Variants in CSMD3 observed in about 807,000 individuals in gnomAD.
CSMD3 encodes the protein CUB and sushi domain-containing protein 3.
Under a neutral mutation model 435.2 loss-of-function variants are expected in CSMD3, and 177 were observed. The ratio of observed to expected loss-of-function variants is 0.41; its 90% CI spans 0.36 to 0.46. The LOEUF is 0.46. Among genes scored for constraint, CSMD3 ranks in the 20% least tolerant of loss-of-function variants. The pLI, the probability that CSMD3 is intolerant of heterozygous loss-of-function variation, is 0.34. For synonymous variants in CSMD3, 1,656 were observed against 1,520.5 expected (o/e 1.09, Z -2.07); for missense variants, 4,265 against 4,504.6 (o/e 0.95, Z 1.52).
chr8:112,958,675 A>T (rs1408483018), intron 7 of CSMD3, among the ~76,000 whole-genome samples: 1 of 152,234 alleles, frequency 6.6e-6, no homozygotes, highest in Admixed American at 6.5e-5. Context: ...AATGATTTAA[A>T]TTAAAATGCC....
intron 1 of CSMD3, among the ~76,000 whole-genome samples, chr8:113,353,034 A>G (rs1225851458): frequency 1.3e-5 from 2 of 152,174 alleles, no homozygotes; most frequent in African/African-American, 4.8e-5. Flanking sequence ...ACAAGGAAAT[A>G]GGCTTTTGAA....
chr8:112,401,998 T>C (rs1434253800), intron 35 of CSMD3, among the ~76,000 whole-genome samples: 1 of 152,220 alleles, frequency 6.6e-6, no homozygotes, highest in Non-Finnish European at 1.5e-5. Flanking sequence ...CTGCATCGAA[T>C]ACTTTTAGAA....
chr8:113,017,965 A>G (rs905859461), intron 6 of CSMD3, among the ~76,000 whole-genome samples: 1 of 152,060 alleles, frequency 6.6e-6, no homozygotes, highest in Non-Finnish European at 1.5e-5. Flanking sequence ...AACACATTGC[A>G]TAGTTTTAAA....
chr8:112,482,698 T>C (rs11995388), intron 31 of CSMD3, among the ~76,000 whole-genome samples: 2,638 of 152,330 alleles, frequency 0.017, 79 homozygotes, highest in African/African-American at 0.06. Flanking sequence ...AACCTTTTAC[T>C]ATTTAAAGAA....
At chr8:112,533,959 A>C (rs773661178) in intron 27 of CSMD3, among the ~76,000 whole-genome samples, 8 of 152,216 alleles carry the variant, frequency 5.3e-5, no homozygotes, top group South Asian at 2.1e-4. Flanking sequence ...GACAAAAGAA[A>C]CATTAGAAAT....
intron 1 of CSMD3, among the ~76,000 whole-genome samples, chr8:113,398,222 G>C (rs2094493245): frequency 6.6e-6 from 1 of 151,988 alleles, no homozygotes. Flanking sequence ...AATTTATTTT[G>C]CTTAAGGTAT....
At chr8:112,949,333 C>A (rs1046474064) in intron 8 of CSMD3, among the ~76,000 whole-genome samples, 1 of 151,960 alleles carries the variant, frequency 6.6e-6, no homozygotes, top group African/African-American at 2.4e-5. Flanking sequence ...TGTATTACAG[C>A]TCACTAATTC....
chr8:112,342,198 T>C (rs1478183931), intron 41 of CSMD3, among the ~76,000 whole-genome samples: 2 of 152,106 alleles, frequency 1.3e-5, no homozygotes, highest in Non-Finnish European at 2.9e-5. Context: ...AGGGTGCTCT[T>C]TCAGTGTTTT....
chr8:112,535,803 G>A (rs1284010384), intron 27 of CSMD3, among the ~76,000 whole-genome samples: 1 of 152,136 alleles, frequency 6.6e-6, no homozygotes, highest in South Asian at 2.1e-4. Context: ...AAAACAGCAT[G>A]GTACTGGTAA....
chr8:112,706,774 C>T (rs2076507195), intron 13 of CSMD3, among the ~76,000 whole-genome samples: 1 of 152,004 alleles, frequency 6.6e-6, no homozygotes, highest in Admixed American at 6.6e-5. Context: ...AACTGTCACA[C>T]TATTATCATG....
chr8:112,798,399 C>A (rs922044274), intron 13 of CSMD3, among the ~76,000 whole-genome samples: 1 of 151,710 alleles, frequency 6.6e-6, no homozygotes, highest in Non-Finnish European at 1.5e-5. Context: ...ATATGATCAT[C>A]ATTCTGATGC....
At chr8:112,960,301 G>T (rs1204306616) in intron 7 of CSMD3, among the ~76,000 whole-genome samples, 1 of 151,298 alleles carries the variant, frequency 6.6e-6, no homozygotes, top group Non-Finnish European at 1.5e-5. Context: ...GAAAAATCAA[G>T]AAACTATACT....
intron 51 of CSMD3, among the ~76,000 whole-genome samples, chr8:112,305,769 T>C (rs1821359753): frequency 6.6e-6 from 1 of 152,138 alleles, no homozygotes; most frequent in South Asian, 2.1e-4. Context: ...CATCATTGTA[T>C]AAAATAAAAG....
chr8:113,430,545 C>T (rs1400856056), intron 1 of CSMD3, among the ~76,000 whole-genome samples: 1 of 152,146 alleles, frequency 6.6e-6, no homozygotes, highest in Non-Finnish European at 1.5e-5. Flanking sequence ...ACCTGGATGA[C>T]TTGTTTAAAC....
chr8:112,878,371 C>G (rs539879329), intron 10 of CSMD3, among the ~76,000 whole-genome samples: 6 of 152,072 alleles, frequency 3.9e-5, no homozygotes, highest in Non-Finnish European at 7.4e-5. Flanking sequence ...AATGATATAC[C>G]ATCTCATGTC....
chr8:113,197,886 T>C (rs1199025002), intron 3 of CSMD3, among the ~76,000 whole-genome samples: 1 of 151,306 alleles, frequency 6.6e-6, no homozygotes, highest in Non-Finnish European at 1.5e-5. Flanking sequence ...CAGAACTAAA[T>C]GGAGAGAATG....
intron 3 of CSMD3, among the ~76,000 whole-genome samples, chr8:113,207,126 T>C (rs1206378014): frequency 6.6e-6 from 1 of 152,176 alleles, no homozygotes; most frequent in African/African-American, 2.4e-5. Context: ...AAACCACTAA[T>C]TCATTGCTCT....
In CSMD3 at chr8:112,255,407, C is replaced by A; in HGVS notation, c.9883G>T (p.Gly3295Cys). 6.2e-7 allele frequency: 1 copy of A among 1,613,566 alleles called. No homozygotes were observed. Among genetic ancestry groups the A allele is most frequent in the Non-Finnish European group, 8.5e-7 (1 of 1,179,754 alleles). The change falls in exon 62 of 71, where the codon GGT becomes TGT. Residue 3295 changes from glycine (G) to cysteine (C), a missense_variant. Gly to Cys is a radical substitution (Grantham distance 159). This residue lies in a region of CSMD3 where 3,255 missense variants were observed against 3,380.2 expected (regional missense o/e 0.96). Coordinates refer to ENST00000297405, the MANE Select transcript of CSMD3 (RefSeq NM_198123.2). ...QCLPKFCGDP[G>C]IPAQGKREGK... is the part of the protein sequence containing the mutation. The stretch of plus-strand genomic sequence containing the variant: ...TCTCTTTTTCCTTGGGCAGGTATAC[C>A]AGGGTCACCACAAAACTTTGCTGGA...
At chr8:112,711,139 T>C (rs1470583084) in intron 13 of CSMD3, among the ~76,000 whole-genome samples, 1 of 152,162 alleles carries the variant, frequency 6.6e-6, no homozygotes, top group Non-Finnish European at 1.5e-5. Flanking sequence ...TATAAGTGCT[T>C]ACAAATGAAG....
Sources: allele counts gnomAD v4.1 joint callset (sites outside exome capture counted in the v4.1 genomes callset), GRCh38; gene constraint gnomAD v4.1.1; regional missense constraint gnomAD v4.1.1; transcripts MANE v1.5; gene names NCBI Gene and HGNC (gene_info 2026-07-23, HGNC 2026-07-21).